The following CACNB2 variants were observed in gnomAD, a reference collection of about 807,000 sequenced individuals.
The protein encoded by CACNB2 is voltage-dependent L-type calcium channel subunit beta-2.
A neutral mutation model predicts 73.3 loss-of-function variants in CACNB2; 42 were observed. That is an observed-to-expected ratio of 0.57 (90% CI 0.45 to 0.74). The LOEUF (loss-of-function observed/expected upper bound fraction) is 0.74. CACNB2 is among the 30% of genes least tolerant of loss of function. The probability of loss-of-function intolerance (pLI) is 0.00; values close to 1 mark genes in which losing one functional copy is unlikely to be tolerated. For missense variants in CACNB2, 940 were observed against 853.0 expected (o/e 1.10, Z -1.27); for synonymous variants, 348 against 310.3 (o/e 1.12, Z -1.28).
intron 2 of CACNB2, among the ~76,000 whole-genome samples, chr10:18,253,256 C>G (rs1303184753): frequency 6.6e-6 from 1 of 152,122 alleles, no homozygotes; most frequent in East Asian, 1.9e-4. Flanking sequence ...AAGTTGCAAA[C>G]AGTCCATTTT....
chr10:18,280,961 A>T (rs1296594380), intron 2 of CACNB2, among the ~76,000 whole-genome samples: 1 of 152,194 alleles, frequency 6.6e-6, no homozygotes, highest in African/African-American at 2.4e-5. Context: ...AAGGTAGGGG[A>T]TCACTAACGC....
chr10:18,455,331 C>A (rs918532809), intron 3 of CACNB2, among the ~76,000 whole-genome samples: 1 of 152,136 alleles, frequency 6.6e-6, no homozygotes, highest in South Asian at 2.1e-4. Context: ...GATTTAGAAA[C>A]GGCACTTAAG....
chr10:18,441,044 G>A (rs1172728822), intron 3 of CACNB2, among the ~76,000 whole-genome samples: 4 of 152,236 alleles, frequency 2.6e-5, no homozygotes, highest in African/African-American at 9.6e-5. Context: ...AACCAGTGTG[G>A]AAGCGGGAAA....
intron 2 of CACNB2, among the ~76,000 whole-genome samples, chr10:18,389,783 CT>C (rs1423244791): frequency 6.6e-6 from 1 of 152,136 alleles, no homozygotes; most frequent in Non-Finnish European, 1.5e-5. Context: ...GTGTGTCCCC[CT>C]GACATTGTGA....
chr10:18,312,322 A>G (rs1408961405), intron 2 of CACNB2, among the ~76,000 whole-genome samples: 1 of 152,238 alleles, frequency 6.6e-6, no homozygotes, highest in Admixed American at 6.5e-5. Flanking sequence ...AAAAATATGT[A>G]AAATGTGAAA....
At chr10:18,303,592 G>A (rs932527399) in intron 2 of CACNB2, among the ~76,000 whole-genome samples, 2 of 152,152 alleles carry the variant, frequency 1.3e-5, no homozygotes, top group Admixed American at 6.5e-5. Context: ...CTCTTCATAA[G>A]AGCCAGTACT....
At chr10:18,500,782 G>C in intron 4 of CACNB2, 30 bp from the exon 5 acceptor site, 1 of 1,610,792 alleles carries the variant, frequency 6.2e-7, no homozygotes, top group Non-Finnish European at 8.5e-7. Context: ...TCTGTGCACT[G>C]ATTTTTAATG....
intron 1 of CACNB2, among the ~76,000 whole-genome samples, chr10:18,148,641 T>A (rs1357494933): frequency 6.6e-6 from 1 of 152,164 alleles, no homozygotes; most frequent in Non-Finnish European, 1.5e-5. Flanking sequence ...TATTTATCAC[T>A]AAAATGCTAA....
chr10:18,298,868 T>C (rs2039385736), intron 2 of CACNB2, among the ~76,000 whole-genome samples: 1 of 152,064 alleles, frequency 6.6e-6, no homozygotes, highest in Admixed American at 6.5e-5. Context: ...ATGGGCTGTG[T>C]GGGCACACCT....
intron 2 of CACNB2, among the ~76,000 whole-genome samples, chr10:18,152,818 G>A (rs2031716754): frequency 2.0e-5 from 3 of 150,078 alleles, no homozygotes; most frequent in South Asian, 2.1e-4. Flanking sequence ...GAAATTGCAC[G>A]GAAAGAAAAA....
At chr10:18,342,686 A>C (rs2041281335) in intron 2 of CACNB2, among the ~76,000 whole-genome samples, 1 of 152,194 alleles carries the variant, frequency 6.6e-6, no homozygotes, top group African/African-American at 2.4e-5. Context: ...TGAATGGTTA[A>C]AGTTTAAAAC....
intron 2 of CACNB2, among the ~76,000 whole-genome samples, chr10:18,293,760 A>C (rs2039164119): frequency 1.3e-5 from 2 of 152,200 alleles, no homozygotes; most frequent in South Asian, 4.1e-4. Flanking sequence ...GAGTTTAATG[A>C]CTGCCATATT....
intron 2 of CACNB2, among the ~76,000 whole-genome samples, chr10:18,398,171 C>A (rs964075426): frequency 6.6e-6 from 1 of 152,180 alleles, no homozygotes; most frequent in Non-Finnish European, 1.5e-5. Flanking sequence ...TATATCACTT[C>A]TAACTGAATA....
intron 2 of CACNB2, among the ~76,000 whole-genome samples, chr10:18,302,236 G>A (rs1015937949): frequency 6.6e-6 from 1 of 152,008 alleles, no homozygotes; most frequent in Non-Finnish European, 1.5e-5. Flanking sequence ...AACCTGAATA[G>A]CAGCAGTCCA....
At chr10:18,317,749 C>G (rs1259682885) in intron 2 of CACNB2, among the ~76,000 whole-genome samples, 1 of 152,140 alleles carries the variant, frequency 6.6e-6, no homozygotes, top group Non-Finnish European at 1.5e-5. Flanking sequence ...AACATCCATT[C>G]TTTCTTGAAA....
intron 2 of CACNB2, among the ~76,000 whole-genome samples, chr10:18,300,333 T>G (rs1234183120): frequency 3.3e-5 from 5 of 152,304 alleles, no homozygotes; most frequent in African/African-American, 9.6e-5. Flanking sequence ...TGTTGTGTAT[T>G]AATATCTCTG....
intron 9 of CACNB2, among the ~76,000 whole-genome samples, chr10:18,522,204 A>G (rs972250995): frequency 6.6e-6 from 1 of 152,036 alleles, no homozygotes; most frequent in Non-Finnish European, 1.5e-5. Context: ...GTTGCAGGAA[A>G]ACAAGCTCAG....
rs71402166 is a variant in CACNB2, at chr10:18,432,835, AAAAC to A, written c.333+30820_333+30823del. Among the ~76,000 whole-genome samples the A allele has an allele frequency of 4.2e-3, 635 of 150,900 alleles. 3 individuals carry two copies. The highest frequency in any genetic ancestry group is 0.01 in the African/African-American group (422 of 41,020). ...GGTGACAGAGTCAGCCCTGTCTAAA[AAAAC>A]AAACAAACAAACAAACAAACAAACA... is the stretch of plus-strand genomic sequence containing the variant. On this transcript the variant is annotated intron_variant, in intron 3 of 13. Coordinates refer to ENST00000324631, the MANE Select transcript of CACNB2 (RefSeq NM_201596.3).
At chr10:18,426,672 T>G (rs951248456) in intron 3 of CACNB2, among the ~76,000 whole-genome samples, 1 of 152,174 alleles carries the variant, frequency 6.6e-6, no homozygotes, top group Non-Finnish European at 1.5e-5. Flanking sequence ...AGAATGTGTC[T>G]ATAAAAAAAT....
Sources: allele counts gnomAD v4.1 joint callset (sites outside exome capture counted in the v4.1 genomes callset), GRCh38; gene constraint gnomAD v4.1.1; transcripts MANE v1.5; gene names NCBI Gene and HGNC (gene_info 2026-07-23, HGNC 2026-07-21).